Variants in CYFIP1 observed in about 807,000 individuals in gnomAD.
The protein encoded by CYFIP1 is cytoplasmic FMR1 interacting protein 1, also known as cytoplasmic FMR1-interacting protein 1.
Under a neutral mutation model 163.5 loss-of-function variants are expected in CYFIP1, and 58 were observed. That is an observed-to-expected ratio of 0.35 (90% CI 0.29 to 0.44). The LOEUF (loss-of-function observed/expected upper bound fraction) is 0.44. CYFIP1 is among the 20% of genes least tolerant of loss of function. CYFIP1 has a pLI of 1.00. For synonymous variants in CYFIP1, 663 were observed against 660.7 expected (o/e 1.00, Z -0.05); for missense variants, 1,338 against 1,653.8 (o/e 0.81, Z 3.31).
intron 1 of CYFIP1, among the ~76,000 whole-genome samples, chr15:22,961,526 GCAC>G (rs1001191775): frequency 3.3e-5 from 5 of 151,976 alleles, no homozygotes; most frequent in African/African-American, 7.3e-5. Flanking sequence ...CTACAGGTGT[GCAC>G]CACCACGTCT....
At chr15:22,895,355 T>A (rs928869306) in intron 22 of CYFIP1, among the ~76,000 whole-genome samples, 2 of 152,154 alleles carry the variant, frequency 1.3e-5, no homozygotes, top group African/African-American at 4.8e-5. Context: ...CTTGCCACGT[T>A]GGCCAGGCTG....
At chr15:22,967,140 C>T (rs1202803431) in intron 1 of CYFIP1, among the ~76,000 whole-genome samples, 2 of 152,144 alleles carry the variant, frequency 1.3e-5, no homozygotes, top group African/African-American at 4.8e-5. Context: ...GCTCTAGCAT[C>T]GGTTGGGACA....
chr15:22,935,389 G>A (rs567793711), intron 9 of CYFIP1, among the ~76,000 whole-genome samples: 4 of 152,296 alleles, frequency 2.6e-5, no homozygotes, highest in South Asian at 2.1e-4. Flanking sequence ...CCAAGGACAC[G>A]AAACCCCTAC....
intron 1 of CYFIP1, among the ~76,000 whole-genome samples, chr15:22,955,193 G>C (rs1261064522): frequency 6.6e-6 from 1 of 152,206 alleles, no homozygotes; most frequent in East Asian, 1.9e-4. Flanking sequence ...CTCAGCCTCA[G>C]ATCCACACAG....
chr15:22,925,725 G>A (rs1195705937), intron 13 of CYFIP1, among the ~76,000 whole-genome samples: 3 of 151,944 alleles, frequency 2.0e-5, no homozygotes, highest in South Asian at 2.1e-4. Flanking sequence ...TCCCTTCCCC[G>A]CACCCGACAC....
intron 23 of CYFIP1, among the ~76,000 whole-genome samples, chr15:22,891,827 A>G (rs952532613): frequency 2.6e-5 from 4 of 152,234 alleles, no homozygotes; most frequent in Non-Finnish European, 5.9e-5. Context: ...TTAGAAAGGA[A>G]TGAGTGGAAA....
intron 6 of CYFIP1, among the ~76,000 whole-genome samples, chr15:22,942,692 T>C (rs1307990084): frequency 6.6e-6 from 1 of 152,106 alleles, no homozygotes; most frequent in Non-Finnish European, 1.5e-5. Flanking sequence ...CGAGACACCC[T>C]GTGACTGTGC....
intron 1 of CYFIP1, chr15:22,948,109 C>CCAGTGCTGGAGG: frequency 2.2e-6 from 1 of 457,680 alleles, no homozygotes; most frequent in Non-Finnish European, 2.9e-6. Flanking sequence ...AGCACTGGCG[C>CCAGTGCTGGAGG]AGGCATGGAG....
chr15:22,900,548 G>A (rs956243522), intron 22 of CYFIP1, among the ~76,000 whole-genome samples: 5 of 151,736 alleles, frequency 3.3e-5, no homozygotes, highest in Admixed American at 6.6e-5. Context: ...GCAGGCGCCC[G>A]CCACCACACC....
chr15:22,907,845 G>A (rs1023748157), intron 21 of CYFIP1, among the ~76,000 whole-genome samples: 1 of 152,182 alleles, frequency 6.6e-6, no homozygotes, highest in African/African-American at 2.4e-5. Flanking sequence ...GTAGTTGGGT[G>A]GCACACCTGA....
chr15:22,919,617 T>A (rs1280089790), intron 13 of CYFIP1, among the ~76,000 whole-genome samples: 1 of 152,174 alleles, frequency 6.6e-6, no homozygotes, highest in Non-Finnish European at 1.5e-5. Context: ...ATGTCTGACA[T>A]ATAAGACACC....
At chr15:22,938,000 C>T (rs534787170) in intron 8 of CYFIP1, among the ~76,000 whole-genome samples, 30 of 152,276 alleles carry the variant, frequency 2.0e-4, no homozygotes, top group African/African-American at 7.2e-4. Flanking sequence ...GGTGCAGACA[C>T]AACGTTTCTG....
chr15:22,921,061 C>G (rs1021214963), intron 13 of CYFIP1, among the ~76,000 whole-genome samples: 2 of 152,082 alleles, frequency 1.3e-5, no homozygotes, highest in African/African-American at 4.8e-5. Context: ...TAAACCCCCC[C>G]AAAATCGAAG....
intron 1 of CYFIP1, among the ~76,000 whole-genome samples, chr15:22,961,955 T>C (rs768878923): frequency 1.3e-5 from 2 of 152,150 alleles, no homozygotes; most frequent in African/African-American, 2.4e-5. Flanking sequence ...ACTTCTAAAT[T>C]TACCAAGGAG....
At chr15:22,933,691 G>C (rs2061610897) in intron 10 of CYFIP1, 111 bp downstream of exon 10, 1 of 748,628 alleles carries the variant, frequency 1.3e-6, no homozygotes, top group Non-Finnish European at 2.2e-6. Flanking sequence ...TTTAATTCCA[G>C]GCTGAGAATG....
intron 6 of CYFIP1, among the ~76,000 whole-genome samples, chr15:22,939,898 C>T (rs947180637): frequency 3.3e-5 from 5 of 152,186 alleles, no homozygotes; most frequent in African/African-American, 1.2e-4. Flanking sequence ...CTCCCACAAG[C>T]CCTGCCATGA....
intron 12 of CYFIP1, among the ~76,000 whole-genome samples, chr15:22,926,530 GTAAA>G (rs1204064602): frequency 1.3e-5 from 2 of 152,094 alleles, no homozygotes; most frequent in African/African-American, 2.4e-5. Context: ...TAATAAGTAA[GTAAA>G]TAAAGATTTT....
intron 25 of CYFIP1, among the ~76,000 whole-genome samples, chr15:22,881,309 C>T (rs1035695611): frequency 1.4e-4 from 22 of 152,192 alleles, no homozygotes; most frequent in African/African-American, 5.1e-4. Flanking sequence ...AGTTTTGTTA[C>T]GTGACAAAGG....
intron 12 of CYFIP1, among the ~76,000 whole-genome samples, chr15:22,926,436 T>G (rs1047377000): frequency 6.6e-6 from 1 of 151,928 alleles, no homozygotes; most frequent in Non-Finnish European, 1.5e-5. Flanking sequence ...ACTTGGGAGG[T>G]TGAGGCAGGA....
Sources: gnomAD v4.1 joint callset for allele counts (sites outside exome capture counted in the v4.1 genomes callset) on GRCh38, gnomAD v4.1.1 for gene constraint, MANE v1.5 for transcripts, NCBI Gene and HGNC (gene_info 2026-07-23, HGNC 2026-07-21) for gene names.